NCKAP5: variants seen among roughly 807,000 people sequenced by gnomAD.
NCKAP5 encodes the protein nck-associated protein 5.
A neutral mutation model predicts 167.0 loss-of-function variants in NCKAP5; 92 were observed. The ratio of observed to expected loss-of-function variants is 0.55; its 90% CI spans 0.47 to 0.66. NCKAP5 has a LOEUF of 0.66. Ranked by LOEUF, NCKAP5 falls within the 30% of genes least tolerant of loss-of-function variation. The pLI, the probability that NCKAP5 is intolerant of heterozygous loss-of-function variation, is 0.00. For synonymous variants in NCKAP5, 891 were observed against 877.4 expected, an observed-to-expected ratio of 1.02 and a Z score of -0.27; for missense variants, 2,378 against 2,315.0, an observed-to-expected ratio of 1.03 and a Z score of -0.56.
At chr2:133,662,276 G>A in the NCKAP5 span, among the ~76,000 whole-genome samples, 1 of 152,050 alleles carries the variant, frequency 6.6e-6, no homozygotes, top group African/African-American at 2.4e-5. Flanking sequence ...AAAGCAAATA[G>A]TGTAATAATG....
At chr2:132,673,735 T>A (rs1256315271) in intron 19 of NCKAP5, among the ~76,000 whole-genome samples, 1 of 152,142 alleles carries the variant, frequency 6.6e-6, no homozygotes, top group African/African-American at 2.4e-5. Context: ...GACATAAAAA[T>A]CCCCTAACTT....
intron 6 of NCKAP5, among the ~76,000 whole-genome samples, chr2:133,068,599 C>T (rs568622163): frequency 6.6e-6 from 1 of 152,124 alleles, no homozygotes; most frequent in Admixed American, 6.5e-5. Context: ...AGGGACTCGA[C>T]CTCTGGGTCT....
intron 8 of NCKAP5, among the ~76,000 whole-genome samples, chr2:132,947,209 A>C (rs1343009729): frequency 6.6e-6 from 1 of 152,200 alleles, no homozygotes; most frequent in African/African-American, 2.4e-5. Flanking sequence ...CAGGTTGTTA[A>C]TATGAAAATT....
intron 5 of NCKAP5, among the ~76,000 whole-genome samples, chr2:133,191,518 T>C (rs551879230): frequency 1.8e-3 from 276 of 152,188 alleles, no homozygotes; most frequent in Non-Finnish European, 3.3e-3. Flanking sequence ...GGAACCAACC[T>C]AAATGTCCAT....
intron 6 of NCKAP5, among the ~76,000 whole-genome samples, chr2:133,053,486 T>G (rs1323676903): frequency 6.6e-6 from 1 of 152,216 alleles, no homozygotes; most frequent in Non-Finnish European, 1.5e-5. Context: ...AATTAAATGC[T>G]TCCTTCTGAA....
At chr2:133,467,904 C>T (rs1347014180) in intron 3 of NCKAP5, among the ~76,000 whole-genome samples, 56 of 127,876 alleles carry the variant, frequency 4.4e-4, no homozygotes, top group Middle Eastern at 3.7e-3. Context: ...TCTCTCTTTT[C>T]TTCTTTATTA....
intron 16 of NCKAP5, among the ~76,000 whole-genome samples, chr2:132,768,536 G>T (rs982813078): frequency 2.0e-5 from 3 of 151,832 alleles, no homozygotes; most frequent in Admixed American, 6.6e-5. Flanking sequence ...TGTTTAGTCT[G>T]ACATTTATGG....
chr2:133,280,848 C>T (rs1023600996), intron 4 of NCKAP5, among the ~76,000 whole-genome samples: 5 of 152,206 alleles, frequency 3.3e-5, no homozygotes, highest in East Asian at 1.9e-4. Context: ...GTGACAGTGA[C>T]GATATGGGTA....
chr2:132,842,703 T>A (rs1214091125), intron 11 of NCKAP5, among the ~76,000 whole-genome samples: 1 of 151,342 alleles, frequency 6.6e-6, no homozygotes, highest in East Asian at 2.0e-4. Flanking sequence ...TGTGCCACCA[T>A]GCCCGGATGA....
At chr2:133,138,783 A>G (rs2082891173) in intron 5 of NCKAP5, among the ~76,000 whole-genome samples, 1 of 152,164 alleles carries the variant, frequency 6.6e-6, no homozygotes, top group Non-Finnish European at 1.5e-5. Context: ...TCTACGCCTA[A>G]CTCACACTCC....
At chr2:132,752,455 C>A (rs1680195870) in intron 16 of NCKAP5, among the ~76,000 whole-genome samples, 1 of 152,214 alleles carries the variant, frequency 6.6e-6, no homozygotes, top group Non-Finnish European at 1.5e-5. Context: ...ACTAGGGCCC[C>A]TGTACCACTG....
chr2:133,149,805 T>A (rs1477753892), intron 5 of NCKAP5, among the ~76,000 whole-genome samples: 1 of 152,126 alleles, frequency 6.6e-6, no homozygotes, highest in Non-Finnish European at 1.5e-5. Context: ...TGCCCCCTAC[T>A]TAAGGGGGAC....
intron 4 of NCKAP5, among the ~76,000 whole-genome samples, chr2:133,230,634 AG>A (rs1472101148): frequency 3.9e-5 from 6 of 152,156 alleles, no homozygotes; most frequent in African/African-American, 1.4e-4. Flanking sequence ...CATATAATTC[AG>A]GGCTTTACTC....
At chr2:133,017,107 T>A (rs959906241) in intron 6 of NCKAP5, among the ~76,000 whole-genome samples, 1 of 152,234 alleles carries the variant, frequency 6.6e-6, no homozygotes, top group Non-Finnish European at 1.5e-5. Context: ...ATATGAACGA[T>A]GTCTGCAGAA....
At chr2:132,855,691 C>T (rs79203396) in intron 11 of NCKAP5, among the ~76,000 whole-genome samples, 4,674 of 152,250 alleles carry the variant, frequency 0.031, 249 homozygotes, top group African/African-American at 0.11. Flanking sequence ...ACTCAAGAAC[C>T]ACAGTTCCAT....
chr2:133,660,445 TAAC>T, the NCKAP5 span, among the ~76,000 whole-genome samples: 1 of 152,240 alleles, frequency 6.6e-6, no homozygotes, highest in Admixed American at 6.5e-5. Flanking sequence ...AAGATTAGAA[TAAC>T]ATACACCAAT....
At chr2:132,985,400 G>A (rs1219888894) in intron 7 of NCKAP5, among the ~76,000 whole-genome samples, 3 of 152,096 alleles carry the variant, frequency 2.0e-5, no homozygotes, top group Admixed American at 6.6e-5. Context: ...TTGGATGTAC[G>A]AGACAAATAC....
intron 3 of NCKAP5, among the ~76,000 whole-genome samples, chr2:133,435,569 G>A (rs1159808364): frequency 1.3e-5 from 2 of 152,178 alleles, no homozygotes; most frequent in Admixed American, 6.5e-5. Flanking sequence ...CAGTGATGAG[G>A]TGAGAGAGTA....
chr2:133,546,487 G>A (rs1409446114), intron 2 of NCKAP5, among the ~76,000 whole-genome samples: 1 of 152,104 alleles, frequency 6.6e-6, no homozygotes, highest in Non-Finnish European at 1.5e-5. Context: ...TATACAAGCT[G>A]CGCTATAGAG....
Sources: allele counts gnomAD v4.1 joint callset (sites outside exome capture counted in the v4.1 genomes callset), GRCh38; gene constraint gnomAD v4.1.1; transcripts MANE v1.5; gene names NCBI Gene and HGNC (gene_info 2026-07-23, HGNC 2026-07-21).